DPH6: variants seen among roughly 807,000 people sequenced by gnomAD.
The protein encoded by DPH6 is diphthine--ammonia ligase.
A neutral mutation model predicts 38.2 loss-of-function variants in DPH6; 33 were observed. That is an observed-to-expected ratio of 0.86 (90% CI 0.65 to 1.15). The LOEUF is 1.15. DPH6 is among the 50% of genes most tolerant of loss of function. The pLI, the probability that DPH6 is intolerant of heterozygous loss-of-function variation, is 0.00. For missense variants in DPH6, 325 were observed against 320.0 expected (o/e 1.02, Z -0.12); for synonymous variants, 108 against 103.0 (o/e 1.05, Z -0.30).
At chr15:35,184,984 C>T in the DPH6 span, among the ~76,000 whole-genome samples, 1 of 151,894 alleles carries the variant, frequency 6.6e-6, no homozygotes, top group Admixed American at 6.6e-5. Flanking sequence ...GTGAATTCTG[C>T]TTTTAGGTTT....
At chr15:35,421,183 T>C (rs894696764) in intron 5 of DPH6, among the ~76,000 whole-genome samples, 4 of 152,184 alleles carry the variant, frequency 2.6e-5, no homozygotes, top group Non-Finnish European at 1.5e-5. Flanking sequence ...CAGGATCAGA[T>C]AACTTCATGG....
chr15:35,412,342 CA>C (rs1402159933), intron 5 of DPH6, among the ~76,000 whole-genome samples: 3 of 151,546 alleles, frequency 2.0e-5, no homozygotes, highest in South Asian at 2.1e-4. Context: ...CTTACAACAC[CA>C]AAAGCTGGCA....
At chr15:35,489,583 T>C in intron 3 of DPH6, 2 of 982,860 alleles carry the variant, frequency 2.0e-6, no homozygotes, top group African/African-American at 1.7e-5. Context: ...TGAATAATCA[T>C]AAAAAATACC....
At chr15:35,479,268 T>C (rs994338198) in intron 3 of DPH6, among the ~76,000 whole-genome samples, 1 of 152,018 alleles carries the variant, frequency 6.6e-6, no homozygotes, top group Non-Finnish European at 1.5e-5. Context: ...CCCATATAAA[T>C]TAAAGGAGTC....
At chr15:35,500,761 TTC>T (rs1468526419) in intron 3 of DPH6, among the ~76,000 whole-genome samples, 1 of 152,122 alleles carries the variant, frequency 6.6e-6, no homozygotes, top group Non-Finnish European at 1.5e-5. Flanking sequence ...GTGATAATTA[TTC>T]TGTTTTGTTG....
At chr15:35,285,872 G>GTTTTGTTTTTTTTTTTTT (rs2051938431) in intron 3 of DPH6, among the ~76,000 whole-genome samples, 1 of 52,794 alleles carries the variant, frequency 1.9e-5, no homozygotes, top group Admixed American at 3.4e-4. Context: ...TTATCTTTGA[G>GTTTTGTTTTTTTTTTTTT]TTTTTTTTTT....
intron 3 of DPH6, among the ~76,000 whole-genome samples, chr15:35,526,673 C>G (rs2055008230): frequency 6.6e-6 from 1 of 152,106 alleles, no homozygotes; most frequent in Admixed American, 6.6e-5. Context: ...CTTGGTTCAC[C>G]TAACTTTCAC....
chr15:35,426,644 A>T (rs1030678332), intron 5 of DPH6, among the ~76,000 whole-genome samples: 3 of 151,786 alleles, frequency 2.0e-5, no homozygotes, highest in Admixed American at 1.3e-4. Flanking sequence ...CTCATGTTCT[A>T]ATTGGTATGG....
chr15:35,458,428 C>T (rs901962624), intron 3 of DPH6, among the ~76,000 whole-genome samples: 5 of 151,994 alleles, frequency 3.3e-5, no homozygotes, highest in Non-Finnish European at 7.3e-5. Context: ...ATGACTTCTG[C>T]TGATTCCTTA....
intron 3 of DPH6, among the ~76,000 whole-genome samples, chr15:35,307,499 G>A (rs562103885): frequency 1.3e-5 from 2 of 152,160 alleles, no homozygotes; most frequent in South Asian, 2.1e-4. Flanking sequence ...TCCCGACCCT[G>A]TTTTTCCTGA....
the DPH6 span, among the ~76,000 whole-genome samples, chr15:35,193,998 T>G: frequency 1 from 152,278 of 152,280 alleles, 76,138 homozygotes; most frequent in Non-Finnish European, 1. Flanking sequence ...CTTTCATCAG[T>G]AATCTAAATT....
intron 3 of DPH6, among the ~76,000 whole-genome samples, chr15:35,223,419 G>A (rs1794349336): frequency 6.6e-6 from 1 of 152,184 alleles, no homozygotes; most frequent in South Asian, 2.1e-4. Flanking sequence ...GGGTGCCCTA[G>A]CTTACGCCTG....
At chr15:35,358,700 T>A (rs567411815) in intron 3 of DPH6, among the ~76,000 whole-genome samples, 3 of 152,174 alleles carry the variant, frequency 2.0e-5, no homozygotes, top group Non-Finnish European at 4.4e-5. Flanking sequence ...TGGGCTGGTA[T>A]TGGGGGTTGT....
intron 7 of DPH6, among the ~76,000 whole-genome samples, chr15:35,378,083 CAAAA>C (rs1300205369): frequency 2.6e-5 from 4 of 151,488 alleles, no homozygotes; most frequent in East Asian, 1.9e-4. Flanking sequence ...CTTCATTATA[CAAAA>C]AAGATTCAAT....
intron 5 of DPH6, among the ~76,000 whole-genome samples, chr15:35,449,391 T>C (rs1485438571): frequency 1.3e-5 from 2 of 152,124 alleles, no homozygotes; most frequent in African/African-American, 2.4e-5. Flanking sequence ...TATATACTAT[T>C]AAAAGATGGC....
At chr15:35,498,263 AAAC>A (rs2141189044) in intron 3 of DPH6, among the ~76,000 whole-genome samples, 1 of 152,282 alleles carries the variant, frequency 6.6e-6, no homozygotes, top group East Asian at 1.9e-4. Flanking sequence ...AAATGCTTAA[AAAC>A]AACAACAGTA....
At chr15:35,478,631 A>G (rs2054291433) in intron 3 of DPH6, among the ~76,000 whole-genome samples, 2 of 152,014 alleles carry the variant, frequency 1.3e-5, no homozygotes, top group Non-Finnish European at 2.9e-5. Context: ...AACTCAATGC[A>G]ATTTCATCCG....
intron 6 of DPH6, among the ~76,000 whole-genome samples, chr15:35,382,330 G>C (rs2052880978): frequency 6.6e-6 from 1 of 152,172 alleles, no homozygotes; most frequent in East Asian, 1.9e-4. Flanking sequence ...CAGCTACTCG[G>C]GAGGCCGAGG....
At chr15:35,189,419 A>G in the DPH6 span, among the ~76,000 whole-genome samples, 2 of 152,050 alleles carry the variant, frequency 1.3e-5, no homozygotes, top group Non-Finnish European at 2.9e-5. Flanking sequence ...TCCAATGCAA[A>G]CTCCATACCA....
Sources: gnomAD v4.1 joint callset for allele counts (sites outside exome capture counted in the v4.1 genomes callset) on GRCh38, gnomAD v4.1.1 for gene constraint, MANE v1.5 for transcripts, NCBI Gene and HGNC (gene_info 2026-07-23, HGNC 2026-07-21) for gene names.